The following OTULINL variants were observed in gnomAD, a reference collection of about 807,000 sequenced individuals.
The protein encoded by OTULINL is inactive ubiquitin thioesterase OTULINL.
In OTULINL, 42 loss-of-function variants were observed where a neutral mutation model predicts 43.9. That is an observed-to-expected ratio of 0.96 (90% CI 0.75 to 1.24). OTULINL has a LOEUF of 1.24. OTULINL is among the 50% of genes most tolerant of loss of function. The pLI is 0.00. For synonymous variants in OTULINL, 172 were observed against 153.6 expected, an observed-to-expected ratio of 1.12 and a Z score of -0.88; for missense variants, 411 against 426.4, an observed-to-expected ratio of 0.96 and a Z score of 0.32.
At chr5:14,590,828 T>C (rs1223310285) in intron 1 of OTULINL, among the ~76,000 whole-genome samples, 1 of 152,178 alleles carries the variant, frequency 6.6e-6, no homozygotes, top group Non-Finnish European at 1.5e-5. Context: ...GACAATTTGT[T>C]AGGGTCCTTT....
At chr5:14,586,504 A>G (rs148646906) in intron 1 of OTULINL, among the ~76,000 whole-genome samples, 3 of 152,366 alleles carry the variant, frequency 2.0e-5, no homozygotes, top group African/African-American at 4.8e-5. Context: ...ACTGTAGCAC[A>G]TAAAATGCTA....
In OTULINL at chr5:14,608,821, T is replaced by C. The variant is rs767519708; in HGVS notation, c.701T>C (p.Ile234Thr). 18 of 1,613,676 alleles carry C rather than the reference T, an allele frequency of 1.1e-5. No homozygotes were observed. The highest frequency in any genetic ancestry group is 1.5e-5 in the Non-Finnish European group (18 of 1,179,706). Residue 234 changes from isoleucine to threonine, a missense_variant, in exon 7 of 8, where the codon ATT (isoleucine) becomes ACT (threonine). Ile to Thr is a moderately conservative substitution (Grantham distance 89). Coordinates refer to ENST00000274217, the MANE Select transcript of OTULINL (RefSeq NM_019018.3). The part of the protein sequence containing the change: ...SMCNTLFSDA[I>T]LEYKLYEALK... ...TGCAACACCCTTTTTTCAGATGCCA[T>C]TCTGGAATATAAACTTTATGAAGCT...
intron 1 of OTULINL, among the ~76,000 whole-genome samples, chr5:14,586,408 G>A (rs1393149938): frequency 6.6e-6 from 1 of 152,174 alleles, no homozygotes; most frequent in African/African-American, 2.4e-5. Flanking sequence ...ATGATAAAAT[G>A]CTTATGTTCA....
At chr5:14,590,815 T>G (rs1759188584) in intron 1 of OTULINL, among the ~76,000 whole-genome samples, 1 of 152,234 alleles carries the variant, frequency 6.6e-6, no homozygotes, top group Admixed American at 6.5e-5. Context: ...TTTTTACCTT[T>G]CTGACAATTT....
intron 1 of OTULINL, among the ~76,000 whole-genome samples, chr5:14,590,333 G>A (rs943532074): frequency 6.6e-6 from 1 of 152,208 alleles, no homozygotes; most frequent in Admixed American, 6.5e-5. Context: ...ATCCACTGGA[G>A]CCAGGGCCAG....
Position 14,602,259 on chromosome 5 carries a change from G to C in OTULINL, c.425G>C (p.Arg142Thr). 1 of 1,613,296 alleles carries C rather than the reference G, an allele frequency of 6.2e-7. No individual in the cohort carries two copies. Among genetic ancestry groups the C allele is most frequent in the Non-Finnish European group, 8.5e-7 (1 of 1,179,324 alleles). The change falls in exon 5 of 8, where the codon AGA becomes ACA. Residue 142 changes from arginine to threonine, a missense_variant. By Grantham distance (71) the Arg-to-Thr change is moderately conservative. Transcript: ENST00000274217. ...QVRRDNYDAL[R>T]SVLFQIFSQG... ...AGGAGAGATAACTATGATGCTCTCA[G>C]ATCAGTGTTATTTCAGATATTCAGC...
chr5:14,605,911 G>T (rs773083312), intron 5 of OTULINL, among the ~76,000 whole-genome samples: 1 of 152,020 alleles, frequency 6.6e-6, no homozygotes, highest in African/African-American at 2.4e-5. Flanking sequence ...ACTTTTCCAC[G>T]TTTTCCTGTC....
At chr5:14,591,703 C>T (rs1246253259) in intron 1 of OTULINL, among the ~76,000 whole-genome samples, 2 of 152,074 alleles carry the variant, frequency 1.3e-5, no homozygotes, top group Non-Finnish European at 2.9e-5. Flanking sequence ...GGGCTTTAAG[C>T]TGACAGCAGG....
rs1370694054 is a variant in OTULINL at position 14,615,438 on chromosome 5, C to A, written c.*5124C>A. 6.6e-6 allele frequency among the ~76,000 whole-genome samples: 1 copy of A among 152,106 alleles called. No individual in the cohort carries two copies. Among genetic ancestry groups the A allele is most frequent in the African/African-American group, 2.4e-5 (1 of 41,398 alleles). On this transcript the variant is annotated 3_prime_UTR_variant, in exon 8 of 8. Coordinates refer to ENST00000274217, the MANE Select transcript of OTULINL (RefSeq NM_019018.3). The stretch of plus-strand genomic sequence containing the variant: ...AACCCCAGGGCAAGGTGAGGAGAAG[C>A]AGCTGGTACAGACTGATGACGAAGG...
At position 14,607,337 on chromosome 5, in the gene OTULINL, A is replaced by T. The variant is rs371604811; in HGVS notation, c.506A>T (p.Glu169Val). Residue 169 changes from glutamate (E) to valine (V), a missense_variant, in exon 6 of 8, where the codon GAA becomes GTA. Transcript: ENST00000274217. ...MKEKDIVKLP[E>V]KLLFSQGCNW... The stretch of plus-strand genomic sequence containing the variant: ...ATCTACTTCCTTTTCAAGCTTCCTG[A>T]AAAACTGCTGTTTTCACAAGGTTGT... The T allele has an allele frequency of 6.2e-7, 1 of 1,612,552 alleles. No homozygotes were observed.
intron 1 of OTULINL, among the ~76,000 whole-genome samples, chr5:14,585,484 T>G (rs1321999192): frequency 6.6e-6 from 1 of 152,190 alleles, no homozygotes; most frequent in Non-Finnish European, 1.5e-5. Context: ...CTGGGTATAA[T>G]TATTAACTTG....
intron 5 of OTULINL, among the ~76,000 whole-genome samples, chr5:14,606,768 T>C (rs1759488093): frequency 6.6e-6 from 1 of 152,228 alleles, no homozygotes; most frequent in Non-Finnish European, 1.5e-5. Context: ...TATAGTAAGT[T>C]TGGTAACTAT....
chr5:14,599,272 T>C (rs957439509), intron 1 of OTULINL, among the ~76,000 whole-genome samples: 2 of 152,194 alleles, frequency 1.3e-5, no homozygotes, highest in African/African-American at 4.8e-5. Flanking sequence ...GCGGGTTGCC[T>C]GCGGTTGGGA....
At chr5:14,593,020 C>A (rs980285939) in intron 1 of OTULINL, among the ~76,000 whole-genome samples, 1 of 152,160 alleles carries the variant, frequency 6.6e-6, no homozygotes, top group Non-Finnish European at 1.5e-5. Flanking sequence ...TCCTCTGGAG[C>A]GTTGCCTCAG....
At chr5:14,585,948 G>A (rs1425019629) in intron 1 of OTULINL, among the ~76,000 whole-genome samples, 1 of 152,204 alleles carries the variant, frequency 6.6e-6, no homozygotes, top group Non-Finnish European at 1.5e-5. Context: ...GTATACTGTT[G>A]TTATTGTTTG....
chr5:14,595,695 G>A lies in OTULINL; in HGVS notation c.65-5270G>A, dbSNP rs1759275889. 4.6e-5 allele frequency among the ~76,000 whole-genome samples: 5 copies of A among 108,176 alleles called. No homozygotes were observed. In the South Asian group the frequency reaches 1.3e-3, roughly 27 times the overall value. 71.0% of individuals were successfully genotyped at this position (108,176 alleles called of 152,430 possible). ...GTAGTTCTGACCAACAGTCTCATCT[G>A]CCATATATCGTTTGAGTGATCACAG... is the stretch of plus-strand genomic sequence containing the variant. On this transcript the variant is annotated intron_variant, in intron 1 of 7. Coordinates refer to ENST00000274217, the MANE Select transcript of OTULINL (RefSeq NM_019018.3).
chr5:14,593,555 G>A (rs1319882156), intron 1 of OTULINL, among the ~76,000 whole-genome samples: 5 of 152,326 alleles, frequency 3.3e-5, no homozygotes, highest in South Asian at 4.1e-4. Context: ...GTGACTCCAC[G>A]GGGAAGGAAT....
intron 1 of OTULINL, 75 bp from the exon 2 acceptor site, chr5:14,600,890 C>T: frequency 1.6e-6 from 2 of 1,252,046 alleles, no homozygotes; most frequent in South Asian, 4.9e-5. Flanking sequence ...TCTCTCTCTG[C>T]ATTTTTTTTC....
rs888091380 is a variant in OTULINL, at chr5:14,581,892, G to C, written c.-3G>C. 201 of 1,411,134 alleles carry C rather than the reference G, an allele frequency of 1.4e-4. No individual in the cohort carries two copies. The highest frequency in any genetic ancestry group is 1.0e-3 in the Middle Eastern group (4 of 3,896). The allele number at this position is 1,411,134 out of a possible 1,614,324, so 87.4% of individuals were successfully genotyped here. On this transcript the variant is annotated 5_prime_UTR_variant, in exon 1 of 8. Coordinates refer to ENST00000274217, the MANE Select transcript of OTULINL (RefSeq NM_019018.3). ...CCCAGCGCCCGTCCGCAGCGCGGCC[G>C]GCATGGCGGCGACAAGGAGCCCCAC...
Sources: gnomAD v4.1 joint callset for allele counts (sites outside exome capture counted in the v4.1 genomes callset) on GRCh38, gnomAD v4.1.1 for gene constraint, MANE v1.5 for transcripts, NCBI Gene and HGNC (gene_info 2026-07-23, HGNC 2026-07-21) for gene names.